HDAC4: variants seen among roughly 807,000 people sequenced by gnomAD.
The protein encoded by HDAC4 is histone deacetylase 4, also known as histone deacetylase A.
Under a neutral mutation model 135.1 loss-of-function variants are expected in HDAC4, and 16 were observed. The observed-to-expected ratio is 0.12, with a 90% CI of 0.08 to 0.18. The LOEUF is 0.18. Among genes scored for constraint, HDAC4 ranks in the 10% least tolerant of loss-of-function variants. HDAC4 has a pLI of 1.00. For missense variants in HDAC4, 1,143 were observed against 1,511.8 expected, an observed-to-expected ratio of 0.76 and a Z score of 4.05; for synonymous variants, 685 against 653.4, an observed-to-expected ratio of 1.05 and a Z score of -0.74.
chr2:239,180,768 T>A (rs1373822969), intron 4 of HDAC4, among the ~76,000 whole-genome samples: 1 of 152,178 alleles, frequency 6.6e-6, no homozygotes, highest in Non-Finnish European at 1.5e-5. Flanking sequence ...CTGCCCCCCA[T>A]GGCCCACCCC....
chr2:239,295,306 CAAAAAAAAAAAA>C (rs55990119), intron 2 of HDAC4, among the ~76,000 whole-genome samples: 1 of 46,524 alleles, frequency 2.1e-5, no homozygotes, highest in Non-Finnish European at 3.9e-5. Flanking sequence ...GACTCCGTCT[CAAAAAAAAAAAA>C]AAAAAAAAAA....
At chr2:239,257,144 T>C (rs1041356368) in intron 2 of HDAC4, among the ~76,000 whole-genome samples, 4 of 152,114 alleles carry the variant, frequency 2.6e-5, no homozygotes, top group African/African-American at 7.2e-5. Flanking sequence ...TTTCCATATA[T>C]ACTGCTAATC....
At chr2:239,152,708 G>C (rs1208351176) in intron 7 of HDAC4, among the ~76,000 whole-genome samples, 2 of 152,154 alleles carry the variant, frequency 1.3e-5, no homozygotes, top group Non-Finnish European at 2.9e-5. Context: ...CCATCCTTGT[G>C]GTCCTTCTCT....
chr2:239,230,204 C>G (rs1445018092), intron 3 of HDAC4, among the ~76,000 whole-genome samples: 1 of 152,000 alleles, frequency 6.6e-6, no homozygotes, highest in Non-Finnish European at 1.5e-5. Context: ...AGGGCCTGAA[C>G]TCATTTTTCA....
intron 12 of HDAC4, among the ~76,000 whole-genome samples, chr2:239,118,151 C>T (rs2039309618): frequency 6.6e-6 from 1 of 152,180 alleles, no homozygotes; most frequent in Admixed American, 6.5e-5. Context: ...CCCTGCTGTG[C>T]CTCACTGTGG....
chr2:239,285,383 C>T lies in HDAC4; in HGVS notation c.23-48719G>A, dbSNP rs1159018067. On this transcript the variant is annotated intron_variant, in intron 2 of 26. Coordinates refer to ENST00000543185, the MANE Select transcript of HDAC4 (RefSeq NM_001378414.1). This position sits in a 1 kb window ranked among gnomAD's most constrained non-coding sequence, Gnocchi z 4.5. Reference sequence around the variant, plus strand: ...GCCGGTGCTCTTCCCTGGCATCCTGCACTTCCTGGGTAAGGAAGGAGAAGC... The same window carrying T: ...GCCGGTGCTCTTCCCTGGCATCCTGTACTTCCTGGGTAAGGAAGGAGAAGC... 6.6e-6 allele frequency among the ~76,000 whole-genome samples: 1 copy of T among 152,214 alleles called. No individual in the cohort carries two copies. Among genetic ancestry groups the T allele is most frequent in the Admixed American group, 6.5e-5 (1 of 15,290 alleles).
chr2:239,318,360 T>C (rs1315270062), intron 2 of HDAC4, among the ~76,000 whole-genome samples: 3 of 152,154 alleles, frequency 2.0e-5, no homozygotes, highest in Non-Finnish European at 4.4e-5. Context: ...TTTTACAAAA[T>C]AGCTGCCCCT....
chr2:239,334,911 G>A (rs953502770), intron 2 of HDAC4, among the ~76,000 whole-genome samples: 2 of 151,714 alleles, frequency 1.3e-5, no homozygotes, highest in African/African-American at 4.8e-5. Flanking sequence ...TGTAGTCCCA[G>A]CTGCTGGGGA....
At chr2:239,399,370 G>T (rs1194599587) in intron 1 of HDAC4, among the ~76,000 whole-genome samples, 3 of 152,138 alleles carry the variant, frequency 2.0e-5, no homozygotes, top group Non-Finnish European at 4.4e-5. Context: ...TGTACAAGCA[G>T]CTGAGTTTTC....
intron 22 of HDAC4, among the ~76,000 whole-genome samples, chr2:239,070,477 A>C (rs1473446690): frequency 6.6e-6 from 1 of 152,246 alleles, no homozygotes. Context: ...TGCGTATGCT[A>C]TGAATCCATA....
intron 24 of HDAC4, among the ~76,000 whole-genome samples, chr2:239,063,254 G>C (rs1417123231): frequency 1.3e-5 from 2 of 151,962 alleles, no homozygotes; most frequent in Admixed American, 6.5e-5. Flanking sequence ...AGGCTGGAGT[G>C]TGGTGGCGCG....
intron 2 of HDAC4, among the ~76,000 whole-genome samples, chr2:239,273,097 A>C (rs752524815): frequency 1.6e-4 from 24 of 152,174 alleles, no homozygotes; most frequent in Non-Finnish European, 2.8e-4. Flanking sequence ...CATGTGATTA[A>C]GGATACTGAG....
chr2:239,096,332 C>A (rs919860512), intron 16 of HDAC4, among the ~76,000 whole-genome samples: 4 of 150,480 alleles, frequency 2.7e-5, no homozygotes, highest in African/African-American at 9.8e-5. Flanking sequence ...TGCCCGCACC[C>A]CCTACGGACG....
intron 17 of HDAC4, among the ~76,000 whole-genome samples, chr2:239,093,507 CCTGT>C (rs2036715684): frequency 6.6e-6 from 1 of 152,224 alleles, no homozygotes; most frequent in Non-Finnish European, 1.5e-5. Flanking sequence ...GCACCGGCCT[CCTGT>C]CTGTCTTCTT....
At chr2:239,099,632 C>T (rs575988187) in intron 16 of HDAC4, among the ~76,000 whole-genome samples, 2 of 152,354 alleles carry the variant, frequency 1.3e-5, no homozygotes, top group South Asian at 2.1e-4. Flanking sequence ...AAGCCGCCTG[C>T]CCTCTCTGCC....
At chr2:239,182,855 C>T (rs1306883185) in intron 4 of HDAC4, among the ~76,000 whole-genome samples, 1 of 152,192 alleles carries the variant, frequency 6.6e-6, no homozygotes, top group Non-Finnish European at 1.5e-5. Flanking sequence ...GCCCCACATC[C>T]TAGCATCGTG....
At chr2:239,149,084 G>A (rs1031439809) in intron 7 of HDAC4, among the ~76,000 whole-genome samples, 2 of 152,176 alleles carry the variant, frequency 1.3e-5, no homozygotes, top group African/African-American at 2.4e-5. Flanking sequence ...GTAAATGTAC[G>A]TTTATTTACT....
At chr2:239,112,665 T>C (rs2038783346) in intron 13 of HDAC4, among the ~76,000 whole-genome samples, 3 of 151,564 alleles carry the variant, frequency 2.0e-5, no homozygotes, top group Admixed American at 2.0e-4. Flanking sequence ...AGGGCAGAGA[T>C]GAGGTCACAG....
At chr2:239,207,421 A>G (rs1383831859) in intron 3 of HDAC4, among the ~76,000 whole-genome samples, 1 of 152,212 alleles carries the variant, frequency 6.6e-6, no homozygotes, top group African/African-American at 2.4e-5. Context: ...ATACACTCAT[A>G]TACACCAAAA....
Sources: allele counts gnomAD v4.1 joint callset (sites outside exome capture counted in the v4.1 genomes callset), GRCh38; gene constraint gnomAD v4.1.1; non-coding constraint Gnocchi (gnomAD v3.1); transcripts MANE v1.5; gene names NCBI Gene and HGNC (gene_info 2026-07-23, HGNC 2026-07-21).